Variants in GLP1R observed in about 807,000 individuals in gnomAD.
GLP1R encodes glucagon like peptide 1 receptor.
In GLP1R, 32 loss-of-function variants were observed where a neutral mutation model predicts 68.4. That is an observed-to-expected ratio of 0.47 (90% CI 0.35 to 0.63). GLP1R has a LOEUF of 0.63. GLP1R is among the 20% of genes least tolerant of loss of function. The pLI, the probability that GLP1R is intolerant of heterozygous loss-of-function variation, is 0.00. For missense variants in GLP1R, 502 were observed against 594.9 expected (o/e 0.84, Z 1.62); for synonymous variants, 263 against 244.4 (o/e 1.08, Z -0.71).
At chr6:39,071,228 C>A (rs1334475838) in intron 5 of GLP1R, among the ~76,000 whole-genome samples, 1 of 151,662 alleles carries the variant, frequency 6.6e-6, no homozygotes, top group Non-Finnish European at 1.5e-5. Flanking sequence ...CGCCTGTAAT[C>A]CCAGCTACTC....
At chr6:39,085,248 C>T (rs1420369528) in intron 12 of GLP1R, among the ~76,000 whole-genome samples, 3 of 152,248 alleles carry the variant, frequency 2.0e-5, no homozygotes, top group Non-Finnish European at 2.9e-5. Context: ...AGGCCAGAGC[C>T]CAGCACAACA....
chr6:39,068,644 C>A (rs923318038), intron 5 of GLP1R, among the ~76,000 whole-genome samples: 1 of 152,214 alleles, frequency 6.6e-6, no homozygotes, highest in Non-Finnish European at 1.5e-5. Flanking sequence ...AGGTTTACTG[C>A]TACGTCCTCC....
rs529033290 is a variant in GLP1R, at chr6:39,078,964, A to G, written c.892A>G (p.Thr298Ala). Reference protein sequence around the residue: ...KYLYEDEGCWTRNSNMNYWLI... With the variant: ...KYLYEDEGCWARNSNMNYWLI... The stretch of plus-strand genomic sequence containing the variant: ...ATCTCTCTCCCTCCCCAGCTGCTGG[A>G]CCAGGAACTCCAACATGAACTACTG... The change falls in exon 9 of 13, where the codon ACC (threonine) becomes GCC (alanine). Residue 298 changes from threonine (T) to alanine (A), a missense_variant. Physicochemically the swap from Thr to Ala is moderately conservative, Grantham distance 58. Coordinates refer to ENST00000373256, the MANE Select transcript of GLP1R (RefSeq NM_002062.5). 7 of 1,613,856 alleles carry G rather than the reference A, an allele frequency of 4.3e-6. No individual in the cohort carries two copies. The highest frequency in any genetic ancestry group is 2.7e-5 in the African/African-American group (2 of 74,998).
chr6:39,057,467 C>G lies in GLP1R; in HGVS notation c.176-5C>G. 1 of 1,598,486 alleles carries G rather than the reference C, an allele frequency of 6.3e-7. No individual in the cohort carries two copies. Among genetic ancestry groups the G allele is most frequent in the Non-Finnish European group, 8.6e-7 (1 of 1,166,042 alleles). ...GGACTCAGAGACTGTTCTTTCTGCT[C>G]CCAGACTTGTTCTGCAACCGGACCT... On this transcript the variant is annotated splice_region_variant and splice_polypyrimidine_tract_variant and intron_variant, in intron 2 of 12. Coordinates refer to ENST00000373256, the MANE Select transcript of GLP1R (RefSeq NM_002062.5).
chr6:39,054,336 C>T (rs761850752), intron 1 of GLP1R, among the ~76,000 whole-genome samples: 1 of 151,944 alleles, frequency 6.6e-6, no homozygotes, highest in African/African-American at 2.4e-5. Context: ...GTAGTTTGCA[C>T]TGTGTGTGCC....
rs780378500 is a variant in GLP1R, at chr6:39,078,947, C to A, written c.885-10C>A. The A allele has an allele frequency of 2.5e-6, 4 of 1,612,648 alleles. No individual in the cohort carries two copies. The South Asian group carries it at 4.4e-5, about 18-fold the overall frequency. On this transcript the variant is annotated splice_polypyrimidine_tract_variant and intron_variant, in intron 8 of 12. Coordinates refer to ENST00000373256, the MANE Select transcript of GLP1R (RefSeq NM_002062.5). ...GCTGGATGCATGTGTGCATCTCTCT[C>A]CCTCCCCAGCTGCTGGACCAGGAAC...
chr6:39,080,801 T>TCCCCATTGTACTACTCC, intron 12 of GLP1R, 62 bp downstream of exon 12: 1 of 1,028,696 alleles, frequency 9.7e-7, no homozygotes, highest in Non-Finnish European at 1.5e-6. Context: ...CCGTCTGGAG[T>TCCCCATTGTACTACTCC]AGTACAATGG....
intron 8 of GLP1R, 85 bp from the exon 9 acceptor site, chr6:39,078,872 G>A: frequency 1.8e-6 from 2 of 1,122,232 alleles, no homozygotes; most frequent in Admixed American, 1.7e-5. Flanking sequence ...ATGGCCATGT[G>A]CATTGGCGGC....
Position 39,086,015 on chromosome 6 carries a change from G to C in GLP1R, c.1334G>C (p.Ser445Thr), listed in dbSNP as rs201672448. ...PLKCPTSSLS[S>T]GATAGSSMYT... is the part of the protein sequence containing the mutation. Reference sequence around the variant, plus strand: ...AAGTGTCCCACCAGCAGCCTGAGCAGTGGAGCCACGGCGGGCAGCAGCATG... The same window carrying C: ...AAGTGTCCCACCAGCAGCCTGAGCACTGGAGCCACGGCGGGCAGCAGCATG... Residue 445 changes from serine to threonine, a missense_variant, in exon 13 of 13, where the codon AGT becomes ACT. Ser to Thr is a moderately conservative substitution (Grantham distance 58, BLOSUM62 1). Transcript: ENST00000373256. This position sits in a 1 kb window ranked among gnomAD's most constrained non-coding sequence, Gnocchi z 4.5. 8.9e-4 allele frequency: 1,436 copies of C among 1,614,086 alleles called. 26 individuals carry two copies. The South Asian group carries it at 0.015, about 17-fold the overall frequency.
intron 12 of GLP1R, among the ~76,000 whole-genome samples, chr6:39,082,702 C>A (rs1024881688): frequency 6.6e-6 from 1 of 152,130 alleles, no homozygotes; most frequent in Admixed American, 6.5e-5. Context: ...CTGGGTGATG[C>A]GCTACCCAGC....
intron 2 of GLP1R, 81 bp from the exon 3 acceptor site, chr6:39,057,391 G>C (rs1475068189): frequency 5.8e-6 from 5 of 859,234 alleles, no homozygotes; most frequent in Non-Finnish European, 9.8e-6. Flanking sequence ...CTCCGAGGAG[G>C]GGAGGGGTCT....
rs10305469 is a variant in GLP1R, at chr6:39,071,925, C to T, written c.510-937C>T. ...TCTATCTCCCACTAGTTTAAGTCTTCGCTAATGATTTTAAGCAAGATTTAT... is the reference window on the plus strand; with the variant it reads ...TCTATCTCCCACTAGTTTAAGTCTTTGCTAATGATTTTAAGCAAGATTTAT... On this transcript the variant is annotated intron_variant, in intron 5 of 12. Transcript: ENST00000373256. 8.2e-3 allele frequency among the ~76,000 whole-genome samples: 1,245 copies of T among 152,230 alleles called. 17 individuals carry two copies. Among genetic ancestry groups the T allele is most frequent in the African/African-American group, 0.027 (1,113 of 41,530 alleles).
intron 1 of GLP1R, among the ~76,000 whole-genome samples, chr6:39,055,722 G>C (rs1204191079): frequency 3.4e-5 from 5 of 146,064 alleles, no homozygotes. Flanking sequence ...AGCACGGGGA[G>C]GGGGTGGGGG....
chr6:39,083,132 G>T (rs1010348633), intron 12 of GLP1R, among the ~76,000 whole-genome samples: 1 of 152,164 alleles, frequency 6.6e-6, no homozygotes, highest in Admixed American at 6.5e-5. Context: ...CTCTGACCAG[G>T]CCTGGCTACA....
Position 39,049,998 on chromosome 6 carries a change from A to T in GLP1R, c.78+1080A>T, listed in dbSNP as rs1350105052. Reference sequence around the variant, plus strand: ...GAACCTTGAAGTTTGTCCCAGAACCATTGCCTTGGTGAGGGCAGACTCCAC... The same window carrying T: ...GAACCTTGAAGTTTGTCCCAGAACCTTTGCCTTGGTGAGGGCAGACTCCAC... On this transcript the variant is annotated intron_variant, in intron 1 of 12. Transcript: ENST00000373256. This position sits in a 1 kb window ranked among gnomAD's most constrained non-coding sequence, Gnocchi z 4.5. Among the ~76,000 whole-genome samples the T allele has an allele frequency of 6.6e-6, 1 of 152,164 alleles. No homozygotes were observed. The highest frequency in any genetic ancestry group is 2.4e-5 in the African/African-American group (1 of 41,428).
rs10305423 is a variant in GLP1R, at chr6:39,049,286, C to T, written c.78+368C>T. On this transcript the variant is annotated intron_variant, in intron 1 of 12. Coordinates refer to ENST00000373256, the MANE Select transcript of GLP1R (RefSeq NM_002062.5). This position sits in a 1 kb window ranked among gnomAD's most constrained non-coding sequence, Gnocchi z 4.5. Reference sequence around the variant, plus strand: ...AACCGTGTCAGCGGCCCTGGCACAGCCCGGCATCCTCCCGGACTCCCTCTG... The same window carrying T: ...AACCGTGTCAGCGGCCCTGGCACAGTCCGGCATCCTCCCGGACTCCCTCTG... Among the ~76,000 whole-genome samples, 3,330 of 152,282 alleles carry T rather than the reference C, an allele frequency of 0.022. 61 individuals carry two copies. Among genetic ancestry groups the T allele is most frequent in the Non-Finnish European group, 0.034 (2,340 of 68,018 alleles).
chr6:39,048,932 A>T lies in GLP1R; in HGVS notation c.78+14A>T. The stretch of plus-strand genomic sequence containing the variant: ...CCCCGCCCCCAGGTGAGATCCAGGG[A>T]CCCCGACGACACCGGGGGAGGCGGG... On this transcript the variant is annotated intron_variant, in intron 1 of 12. Coordinates refer to ENST00000373256, the MANE Select transcript of GLP1R (RefSeq NM_002062.5). 1 of 1,188,306 alleles carries T rather than the reference A, an allele frequency of 8.4e-7. No homozygotes were observed. The highest frequency in any genetic ancestry group is 1.8e-5 in the South Asian group (1 of 56,780). 73.6% of individuals were successfully genotyped at this position (1,188,306 alleles called of 1,614,324 possible). A position where few individuals can be genotyped will look rare whatever the true frequency, so the allele number is the denominator to read the frequency against.
In GLP1R at chr6:39,082,991, A is replaced by G. The variant is rs912681063; in HGVS notation, c.1224+2252A>G. Reference sequence around the variant, plus strand: ...TGGCTCAGCTGCCTCTCCAGATTCCATCCTTCCAAGCCTAGTCATCTCATC... The same window carrying G: ...TGGCTCAGCTGCCTCTCCAGATTCCGTCCTTCCAAGCCTAGTCATCTCATC... On this transcript the variant is annotated intron_variant, in intron 12 of 12. Coordinates refer to ENST00000373256, the MANE Select transcript of GLP1R (RefSeq NM_002062.5). Among the ~76,000 whole-genome samples the G allele has an allele frequency of 6.3e-4, 96 of 151,782 alleles. 1 individual carries two copies. Among genetic ancestry groups the G allele is most frequent in the African/African-American group, 2.2e-3 (92 of 41,284 alleles).
intron 1 of GLP1R, among the ~76,000 whole-genome samples, chr6:39,051,422 G>A (rs2150818271): frequency 6.6e-6 from 1 of 152,250 alleles, no homozygotes; most frequent in Admixed American, 6.5e-5. Context: ...TGGAGACCCT[G>A]GGTCTCTGTA....
Sources: gnomAD v4.1 joint callset for allele counts (sites outside exome capture counted in the v4.1 genomes callset) on GRCh38, gnomAD v4.1.1 for gene constraint, Gnocchi (gnomAD v3.1) non-coding constraint, MANE v1.5 for transcripts, NCBI Gene and HGNC (gene_info 2026-07-23, HGNC 2026-07-21) for gene names.